Variants in CLEC16A observed in about 807,000 individuals in gnomAD.
CLEC16A encodes protein CLEC16A.
In CLEC16A, 51 loss-of-function variants were observed where a neutral mutation model predicts 109.5. That is an observed-to-expected ratio of 0.47 (90% CI 0.37 to 0.59). CLEC16A has a LOEUF of 0.59. Among genes scored for constraint, CLEC16A ranks in the 20% least tolerant of loss-of-function variants. The pLI is 0.00. For missense variants in CLEC16A, 1,339 were observed against 1,394.0 expected (o/e 0.96, Z 0.63); for synonymous variants, 673 against 564.2 (o/e 1.19, Z -2.73).
At chr16:11,076,274 TC>T (rs2049368246) in intron 19 of CLEC16A, among the ~76,000 whole-genome samples, 1 of 152,108 alleles carries the variant, frequency 6.6e-6, no homozygotes, top group Non-Finnish European at 1.5e-5. Flanking sequence ...TCAAGAGATT[TC>T]CCCCTTGGGC....
rs1052359219 is a variant in CLEC16A at position 11,097,663 on chromosome 16, A to C, written c.2117-22952A>C. The stretch of plus-strand genomic sequence containing the variant: ...CGTATTTACTGGTGTTTTTTCAGTG[A>C]GCTTTCCCTGTGTGTGAAAAATCCA... On this transcript the variant is annotated intron_variant, in intron 19 of 23. Transcript: ENST00000409790. 2.0e-5 allele frequency among the ~76,000 whole-genome samples: 3 copies of C among 152,170 alleles called. No individual in the cohort carries two copies. In the East Asian group the frequency reaches 5.8e-4, roughly 29 times the overall value.
At chr16:10,973,868 C>A (rs533374629) in intron 7 of CLEC16A, among the ~76,000 whole-genome samples, 2 of 138,488 alleles carry the variant, frequency 1.4e-5, no homozygotes, top group Non-Finnish European at 3.0e-5. Flanking sequence ...ATACATCCGG[C>A]CAAGTAAGGG....
chr16:11,072,305 G>A (rs549249268), intron 19 of CLEC16A, among the ~76,000 whole-genome samples: 154 of 152,084 alleles, frequency 1.0e-3, no homozygotes, highest in Non-Finnish European at 1.5e-3. Flanking sequence ...TTTTTGTGGA[G>A]ATGGGGTCTC....
intron 19 of CLEC16A, among the ~76,000 whole-genome samples, chr16:11,101,336 A>C (rs937178272): frequency 2.6e-5 from 4 of 152,058 alleles, no homozygotes; most frequent in African/African-American, 9.7e-5. Context: ...CTCACCCCCA[A>C]CAGTCCTCAC....
At chr16:11,045,116 G>A (rs926201867) in intron 16 of CLEC16A, among the ~76,000 whole-genome samples, 5 of 151,988 alleles carry the variant, frequency 3.3e-5, no homozygotes, top group Admixed American at 1.3e-4. Flanking sequence ...AGGCTGCGGC[G>A]GTCAGATCAC....
chr16:11,163,170 G>A (rs1363637873), intron 22 of CLEC16A, among the ~76,000 whole-genome samples: 1 of 152,212 alleles, frequency 6.6e-6, no homozygotes, highest in African/African-American at 2.4e-5. Flanking sequence ...AGGAACCAGA[G>A]GACAGGGCGC....
intron 1 of CLEC16A, 62 bp downstream of exon 1, chr16:10,944,859 C>A (rs1241816608): frequency 3.5e-6 from 5 of 1,443,866 alleles, no homozygotes; most frequent in Non-Finnish European, 3.8e-6. Flanking sequence ...GCGCCGAGCT[C>A]CGGGTCGGGG....
At chr16:11,056,279 C>T (rs769474669) in intron 18 of CLEC16A, among the ~76,000 whole-genome samples, 3 of 152,154 alleles carry the variant, frequency 2.0e-5, no homozygotes, top group Non-Finnish European at 2.9e-5. Context: ...ACCTCAGGTC[C>T]CTCGTGGGTC....
chr16:10,945,132 G>A (rs1182548441), intron 1 of CLEC16A, among the ~76,000 whole-genome samples: 1 of 152,208 alleles, frequency 6.6e-6, no homozygotes, highest in Non-Finnish European at 1.5e-5. Flanking sequence ...TTCTTAAACT[G>A]AACAGCTTAG....
At chr16:11,040,865 TAC>T (rs899332573) in intron 14 of CLEC16A, 1 of 152,146 alleles carries the variant, frequency 6.6e-6, no homozygotes, top group Admixed American at 6.5e-5. Flanking sequence ...TCACCTGACT[TAC>T]AATGCATTAA....
chr16:11,039,625 A>T, intron 13 of CLEC16A, 129 bp from the exon 14 acceptor site: 1 of 1,132,098 alleles, frequency 8.8e-7, no homozygotes, highest in Non-Finnish European at 1.2e-6. Flanking sequence ...GAAAAGAAAA[A>T]GGAAAAGAAA....
At chr16:11,081,421 C>T (rs796337170) in intron 19 of CLEC16A, among the ~76,000 whole-genome samples, 1 of 152,170 alleles carries the variant, frequency 6.6e-6, no homozygotes, top group Non-Finnish European at 1.5e-5. Flanking sequence ...CCTTCTTGCC[C>T]GTCTTCTCCA....
intron 19 of CLEC16A, among the ~76,000 whole-genome samples, chr16:11,114,602 C>T (rs902109020): frequency 2.0e-5 from 3 of 152,152 alleles, no homozygotes; most frequent in Admixed American, 6.5e-5. Flanking sequence ...GAGGGTGGGC[C>T]GAGTTGGATT....
At chr16:11,059,395 C>T (rs1464738619) in intron 18 of CLEC16A, among the ~76,000 whole-genome samples, 1 of 152,190 alleles carries the variant, frequency 6.6e-6, no homozygotes, top group Non-Finnish European at 1.5e-5. Context: ...GAGGACTGCA[C>T]TACCTTAGCA....
At position 11,039,743 on chromosome 16, in the gene CLEC16A, C is replaced by T; in HGVS notation, c.1538-11C>T. 6.3e-7 allele frequency: 1 copy of T among 1,591,834 alleles called. No homozygotes were observed. Reference sequence around the variant, plus strand: ...GGAGGCCTCCACTTACATCCTTCTCCTCTGTTCCAGGCATGGATCCTGAAA... The same window carrying T: ...GGAGGCCTCCACTTACATCCTTCTCTTCTGTTCCAGGCATGGATCCTGAAA... On this transcript the variant is annotated splice_polypyrimidine_tract_variant and intron_variant, in intron 13 of 23. Coordinates refer to ENST00000409790, the MANE Select transcript of CLEC16A (RefSeq NM_015226.3).
At chr16:11,135,469 C>G (rs924266801) in intron 22 of CLEC16A, among the ~76,000 whole-genome samples, 15 of 152,296 alleles carry the variant, frequency 9.8e-5, no homozygotes, top group African/African-American at 3.6e-4. Flanking sequence ...ACACAGTAGG[C>G]AGGGCCAGCC....
At chr16:11,109,410 T>C (rs1597409572) in intron 19 of CLEC16A, among the ~76,000 whole-genome samples, 1 of 152,286 alleles carries the variant, frequency 6.6e-6, no homozygotes, top group East Asian at 1.9e-4. Flanking sequence ...CGCCTTGGCC[T>C]CCCAAAGTAA....
In CLEC16A at chr16:11,181,095, C is replaced by A. The variant is rs2068940204; in HGVS notation, c.*2405C>A. On this transcript the variant is annotated 3_prime_UTR_variant, in exon 24 of 24. Transcript: ENST00000409790. ...TGAGGATTTCCTATAACCAGGGCTC[C>A]CAGAAGCTTTGCTTATGTAAGGAGG... is the stretch of plus-strand genomic sequence containing the variant. 1.3e-5 allele frequency: 2 copies of A among 152,224 alleles called. No homozygotes were observed. The highest frequency in any genetic ancestry group is 2.4e-5 in the African/African-American group (1 of 41,446). 9.4% of individuals were successfully genotyped at this position (152,224 alleles called of 1,614,324 possible). A position where few individuals can be genotyped will look rare whatever the true frequency, so the allele number is the denominator to read the frequency against.
intron 19 of CLEC16A, among the ~76,000 whole-genome samples, chr16:11,073,384 C>T (rs1364721438): frequency 6.6e-6 from 1 of 152,132 alleles, no homozygotes; most frequent in East Asian, 1.9e-4. Flanking sequence ...TCCCTGGACT[C>T]CACAGCTCTG....
Sources: gnomAD v4.1 joint callset for allele counts (sites outside exome capture counted in the v4.1 genomes callset) on GRCh38, gnomAD v4.1.1 for gene constraint, MANE v1.5 for transcripts, NCBI Gene and HGNC (gene_info 2026-07-23, HGNC 2026-07-21) for gene names.